The following KLRG1 variants were observed in gnomAD, a reference collection of about 807,000 sequenced individuals.
KLRG1 encodes killer cell lectin-like receptor subfamily G member 1.
A neutral mutation model predicts 21.8 loss-of-function variants in KLRG1; 16 were observed. That is an observed-to-expected ratio of 0.73 (90% CI 0.50 to 1.11). The LOEUF (loss-of-function observed/expected upper bound fraction) is 1.11, where lower values mean the gene tolerates loss of function less well. Among genes scored for constraint, KLRG1 ranks in the 50% most tolerant of loss-of-function variants. The pLI is 0.00. For synonymous variants in KLRG1, 69 were observed against 75.9 expected, an observed-to-expected ratio of 0.91 and a Z score of 0.47; for missense variants, 173 against 218.3, an observed-to-expected ratio of 0.79 and a Z score of 1.31.
chr12:9,027,527 T>G, the KLRG1 span: 1 of 1,138,972 alleles, frequency 8.8e-7, no homozygotes. Flanking sequence ...TGTTTCCTAA[T>G]TAAAATCTTC....
chr12:9,028,955 T>TA, the KLRG1 span: 1 of 628,192 alleles, frequency 1.6e-6, no homozygotes, highest in Middle Eastern at 4.7e-4. Flanking sequence ...GGTCTCTCAT[T>TA]ACGGCACAGT....
intron 2 of KLRG1, among the ~76,000 whole-genome samples, chr12:8,993,564 A>G (rs975623566): frequency 2.0e-5 from 3 of 152,148 alleles, no homozygotes; most frequent in Admixed American, 2.0e-4. Context: ...CTGGGATTAC[A>G]GGTGTGAGCC....
the KLRG1 span, among the ~76,000 whole-genome samples, chr12:9,209,287 G>A: frequency 6.6e-6 from 1 of 151,986 alleles, no homozygotes; most frequent in Non-Finnish European, 1.5e-5. Context: ...CCATATTTCA[G>A]CCTAATCATC....
chr12:9,079,134 C>A, the KLRG1 span: 3 of 794,324 alleles, frequency 3.8e-6, no homozygotes, highest in Admixed American at 2.7e-5. Flanking sequence ...TATAACAAAC[C>A]ATCGGTCTGA....
chr12:9,062,320 G>A, the KLRG1 span, among the ~76,000 whole-genome samples: 1 of 90,296 alleles, frequency 1.1e-5, no homozygotes, highest in South Asian at 3.0e-4. Flanking sequence ...TTTGTATATT[G>A]TATAAAAAAT....
chr12:9,192,648 G>T, the KLRG1 span: 1 of 1,614,084 alleles, frequency 6.2e-7, no homozygotes, highest in Non-Finnish European at 8.5e-7. Flanking sequence ...TCCACTTAAG[G>T]AGAAAACACG....
At chr12:9,214,358 C>A in the KLRG1 span, among the ~76,000 whole-genome samples, 1 of 151,946 alleles carries the variant, frequency 6.6e-6, no homozygotes, top group Non-Finnish European at 1.5e-5. Flanking sequence ...TCAGTCTGTC[C>A]TTTCTGTATA....
the KLRG1 span, among the ~76,000 whole-genome samples, chr12:9,097,582 TCAGAAATTATGTG>T: frequency 4.6e-5 from 7 of 151,662 alleles, no homozygotes; most frequent in Non-Finnish European, 1.0e-4. Flanking sequence ...ATATGTTCCC[TCAGAAATTATGTG>T]TAGCTTGGGA....
At chr12:9,118,736 G>A in the KLRG1 span, among the ~76,000 whole-genome samples, 1 of 152,212 alleles carries the variant, frequency 6.6e-6, no homozygotes, top group East Asian at 1.9e-4. Flanking sequence ...CAGTGTCACA[G>A]TGGGAACTGC....
At chr12:9,166,054 C>T in the KLRG1 span, 1 of 1,603,664 alleles carries the variant, frequency 6.2e-7, no homozygotes, top group Non-Finnish European at 8.5e-7. Flanking sequence ...TTACTTACTT[C>T]ACTGCCACCA....
the KLRG1 span, chr12:9,165,450 A>T: frequency 6.8e-7 from 1 of 1,466,268 alleles, no homozygotes; most frequent in South Asian, 1.2e-5. Flanking sequence ...CATAAAGCTA[A>T]CGTCAAGAAC....
chr12:9,104,779 T>C, the KLRG1 span, among the ~76,000 whole-genome samples: 1 of 152,186 alleles, frequency 6.6e-6, no homozygotes, highest in Non-Finnish European at 1.5e-5. Flanking sequence ...ACTAGAGTAA[T>C]ATGATAATGA....
chr12:9,071,348 T>A, the KLRG1 span, among the ~76,000 whole-genome samples: 7 of 152,326 alleles, frequency 4.6e-5, no homozygotes, highest in Admixed American at 2.0e-4. Flanking sequence ...ACACCTAGCG[T>A]CTTGTCCCCG....
the KLRG1 span, chr12:9,160,371 C>A: frequency 2.3e-5 from 37 of 1,614,070 alleles, no homozygotes; most frequent in Admixed American, 5.2e-4. Flanking sequence ...TGCTGGGTTT[C>A]ATTCAGATAG....
At chr12:9,015,283 C>T (rs749258989), downstream of KLRG1, among the ~76,000 whole-genome samples, 1 of 152,000 alleles carries the variant, frequency 6.6e-6, no homozygotes, top group Non-Finnish European at 1.5e-5. Context: ...CTTATAAAAA[C>T]ACAAGTAGAC....
At chr12:9,076,956 A>C in the KLRG1 span, 1 of 1,556,868 alleles carries the variant, frequency 6.4e-7, no homozygotes, top group African/African-American at 1.4e-5. Context: ...CAGAACAAGA[A>C]GGGAACTAAG....
the KLRG1 span, chr12:9,169,611 A>G: frequency 6.4e-7 from 1 of 1,574,126 alleles, no homozygotes; most frequent in Non-Finnish European, 8.6e-7. Context: ...TGGGGGGATC[A>G]AAGGCAGAAC....
the KLRG1 span, chr12:9,109,349 C>T: frequency 6.2e-7 from 1 of 1,613,418 alleles, no homozygotes; most frequent in Non-Finnish European, 8.5e-7. Context: ...TTCATCTCTT[C>T]TTCCAAGATG....
chr12:9,011,353 C>G (rs1383062528), downstream of KLRG1, among the ~76,000 whole-genome samples: 5 of 152,190 alleles, frequency 3.3e-5, no homozygotes, highest in Admixed American at 6.5e-5. Context: ...TAACTCAATT[C>G]TTGCACCTTA....
Sources: gnomAD v4.1 joint callset for allele counts (sites outside exome capture counted in the v4.1 genomes callset) on GRCh38, gnomAD v4.1.1 for gene constraint, MANE v1.5 for transcripts, NCBI Gene and HGNC (gene_info 2026-07-23, HGNC 2026-07-21) for gene names.